PRKCA: variants seen among roughly 807,000 people sequenced by gnomAD.
PRKCA encodes the protein protein kinase C alpha.
A neutral mutation model predicts 87.0 loss-of-function variants in PRKCA; 27 were observed. The observed-to-expected ratio is 0.31, with a 90% confidence interval of 0.23 to 0.43. The LOEUF is 0.43. PRKCA is among the 20% of genes least tolerant of loss of function. The pLI is 1.00. For synonymous variants in PRKCA, 329 were observed against 311.1 expected (o/e 1.06, Z -0.61); for missense variants, 518 against 852.3 (o/e 0.61, Z 4.88).
chr17:66,718,650 A>T (rs1973535715), intron 8 of PRKCA, among the ~76,000 whole-genome samples: 1 of 152,114 alleles, frequency 6.6e-6, no homozygotes, highest in African/African-American at 2.4e-5. Context: ...AAGGGCACTA[A>T]TCCCATTCGT....
intron 8 of PRKCA, among the ~76,000 whole-genome samples, chr17:66,723,763 C>T (rs141669099): frequency 2.4e-3 from 360 of 152,266 alleles, no homozygotes; most frequent in Non-Finnish European, 4.3e-3. Context: ...CCAGCATAGT[C>T]CAGGGACACA....
chr17:66,545,200 G>T (rs1021378211), intron 3 of PRKCA, among the ~76,000 whole-genome samples: 2 of 152,036 alleles, frequency 1.3e-5, no homozygotes, highest in Non-Finnish European at 2.9e-5. Flanking sequence ...AGGCCAAGGC[G>T]GGCAGATCAC....
chr17:66,443,426 G>T (rs150076516), intron 2 of PRKCA, among the ~76,000 whole-genome samples: 1 of 152,208 alleles, frequency 6.6e-6, no homozygotes, highest in Non-Finnish European at 1.5e-5. Context: ...CTTAGATGTC[G>T]TTGTGTATTA....
At chr17:66,338,618 T>C (rs1316487812) in intron 2 of PRKCA, among the ~76,000 whole-genome samples, 12 of 152,180 alleles carry the variant, frequency 7.9e-5, no homozygotes. Flanking sequence ...CAGGCTGTTA[T>C]TCAAAGCTGT....
At chr17:66,305,173 C>T (rs1904747292) in intron 1 of PRKCA, among the ~76,000 whole-genome samples, 2 of 152,134 alleles carry the variant, frequency 1.3e-5, no homozygotes, top group Non-Finnish European at 2.9e-5. Flanking sequence ...TTTCAGTTTG[C>T]TTTCATTATT....
At chr17:66,423,776 A>G (rs1055969185) in intron 2 of PRKCA, among the ~76,000 whole-genome samples, 2 of 151,646 alleles carry the variant, frequency 1.3e-5, no homozygotes, top group Non-Finnish European at 2.9e-5. Flanking sequence ...TGCATGGATA[A>G]CTCTAATTAG....
intron 2 of PRKCA, among the ~76,000 whole-genome samples, chr17:66,436,761 CAAGA>C (rs752417340): frequency 6.6e-6 from 1 of 152,118 alleles, no homozygotes; most frequent in Non-Finnish European, 1.5e-5. Flanking sequence ...GTGAGAAATT[CAAGA>C]AAGACACAGA....
chr17:66,366,240 TAAAGG>T (rs146813638), intron 2 of PRKCA, among the ~76,000 whole-genome samples: 1,753 of 152,188 alleles, frequency 0.012, 33 homozygotes, highest in African/African-American at 0.04. Context: ...TTACAGTACT[TAAAGG>T]AAAAAAAATC....
chr17:66,602,488 A>C (rs796799169), intron 3 of PRKCA, among the ~76,000 whole-genome samples: 14 of 150,228 alleles, frequency 9.3e-5, no homozygotes, highest in African/African-American at 2.7e-4. Context: ...TAGTGAGATG[A>C]ACCCGGTACC....
intron 2 of PRKCA, among the ~76,000 whole-genome samples, chr17:66,484,745 A>G (rs1475789555): frequency 2.0e-5 from 3 of 152,326 alleles, no homozygotes; most frequent in Admixed American, 6.5e-5. Context: ...ATAATTGTCA[A>G]CTATTACCAA....
chr17:66,774,789 TGAA>T, intron 14 of PRKCA: 2 of 985,444 alleles, frequency 2.0e-6, no homozygotes, highest in Non-Finnish European at 2.4e-6. Flanking sequence ...ACAGTTACCT[TGAA>T]GAAGTGTTTT....
At position 66,456,011 on chromosome 17, in the gene PRKCA, G is replaced by T. The variant is rs114424756; in HGVS notation, c.206-40190G>T. ...ACTAAATCCATTGACTGTTGTTCTC[G>T]TAAGAAGGCCAGGTGAAGACACAGA... On this transcript the variant is annotated intron_variant, in intron 2 of 16. Transcript: ENST00000413366. 4.9e-3 allele frequency among the ~76,000 whole-genome samples: 750 copies of T among 152,080 alleles called. 8 individuals are homozygous for T. Among genetic ancestry groups the T allele is most frequent in the African/African-American group, 0.011 (474 of 41,500 alleles).
intron 13 of PRKCA, among the ~76,000 whole-genome samples, chr17:66,767,256 GTT>G (rs1266820722): frequency 2.0e-5 from 3 of 152,048 alleles, no homozygotes; most frequent in African/African-American, 7.2e-5. Flanking sequence ...ACAAAACTAG[GTT>G]TTTCTCCCTC....
intron 13 of PRKCA, among the ~76,000 whole-genome samples, chr17:66,749,379 C>G (rs1447678488): frequency 1.3e-5 from 2 of 151,790 alleles, no homozygotes; most frequent in Non-Finnish European, 2.9e-5. Context: ...CAGGCCAGTT[C>G]CTCTTCTTTT....
intron 10 of PRKCA, among the ~76,000 whole-genome samples, chr17:66,738,536 A>G (rs1204115584): frequency 1.3e-5 from 2 of 152,256 alleles, no homozygotes; most frequent in African/African-American, 2.4e-5. Flanking sequence ...ATGGAGAGCC[A>G]TTATTTCAGG....
chr17:66,785,606 T>G (rs985901028), intron 14 of PRKCA, among the ~76,000 whole-genome samples: 1 of 152,128 alleles, frequency 6.6e-6, no homozygotes, highest in Admixed American at 6.6e-5. Flanking sequence ...GACCGGGAAG[T>G]GATGGATCCC....
chr17:66,307,171 C>T (rs761194113), intron 2 of PRKCA, among the ~76,000 whole-genome samples: 1 of 152,094 alleles, frequency 6.6e-6, no homozygotes, highest in African/African-American at 2.4e-5. Context: ...TATGATTATT[C>T]ATTTAATATT....
chr17:66,353,393 G>A (rs1218853179), intron 2 of PRKCA, among the ~76,000 whole-genome samples: 2 of 152,120 alleles, frequency 1.3e-5, no homozygotes, highest in African/African-American at 2.4e-5. Context: ...CAGAAAAGGA[G>A]TTTGCTTTCC....
rs188183307 is a variant in PRKCA, at chr17:66,591,162, G to A, written c.289-50193G>A. On this transcript the variant is annotated intron_variant, in intron 3 of 16. Coordinates refer to ENST00000413366, the MANE Select transcript of PRKCA (RefSeq NM_002737.3). ...TTGTTGTTTACAACTTTTTGTTGTT[G>A]TTGTTTTAAAGACAGGGTCTTGCCC... 3.3e-5 allele frequency among the ~76,000 whole-genome samples: 5 copies of A among 152,152 alleles called. No homozygotes were observed. In the East Asian group the frequency reaches 9.7e-4, roughly 29 times the overall value.
Sources: allele counts gnomAD v4.1 joint callset (sites outside exome capture counted in the v4.1 genomes callset), GRCh38; gene constraint gnomAD v4.1.1; transcripts MANE v1.5; gene names NCBI Gene and HGNC (gene_info 2026-07-23, HGNC 2026-07-21).